Variants in CR1L observed in about 807,000 individuals in gnomAD.
The protein encoded by CR1L is complement C3b/C4b receptor 1 like.
A neutral mutation model predicts 62.3 loss-of-function variants in CR1L; 59 were observed. That is an observed-to-expected ratio of 0.95 (90% CI 0.77 to 1.18). CR1L has a LOEUF of 1.18. Among genes scored for constraint, CR1L ranks in the 50% most tolerant of loss-of-function variants. The probability of loss-of-function intolerance (pLI) is 0.00; values close to 1 mark genes in which losing one functional copy is unlikely to be tolerated. For missense variants in CR1L, 700 were observed against 702.8 expected, an observed-to-expected ratio of 1.00 and a Z score of 0.04; for synonymous variants, 279 against 248.7, an observed-to-expected ratio of 1.12 and a Z score of -1.15.
At chr1:207,650,451 G>A (rs1663205123) in intron 1 of CR1L, among the ~76,000 whole-genome samples, 3 of 152,164 alleles carry the variant, frequency 2.0e-5, no homozygotes, top group Non-Finnish European at 4.4e-5. Context: ...GAGACTGTTA[G>A]GAGGAGTTTA....
At chr1:207,689,965 A>G (rs1381094149) in intron 4 of CR1L, among the ~76,000 whole-genome samples, 3 of 152,052 alleles carry the variant, frequency 2.0e-5, no homozygotes, top group Non-Finnish European at 4.4e-5. Context: ...TCCTATGCTA[A>G]TTAATTTCTG....
chr1:207,653,019 C>T (rs1663253172), intron 1 of CR1L: 1 of 226,330 alleles, frequency 4.4e-6, no homozygotes, highest in South Asian at 6.7e-5. Flanking sequence ...AGAATTTTGA[C>T]CTTGATTCCA....
chr1:207,723,321 A>G (rs1468122159), intron 11 of CR1L, among the ~76,000 whole-genome samples: 2 of 151,520 alleles, frequency 1.3e-5, no homozygotes, highest in Non-Finnish European at 2.9e-5. Context: ...TCCCAGCTAC[A>G]CAGGAGGCTG....
chr1:207,651,291 G>C (rs963024086), intron 1 of CR1L, among the ~76,000 whole-genome samples: 3 of 112,654 alleles, frequency 2.7e-5, no homozygotes, highest in Non-Finnish European at 5.7e-5. Flanking sequence ...TCCATAGGAA[G>C]AAAGTCCTCT....
At chr1:207,669,563 G>A (rs1663577267) in intron 1 of CR1L, 1 of 1,539,612 alleles carries the variant, frequency 6.5e-7, no homozygotes, top group Non-Finnish European at 8.8e-7. Context: ...CCGGTGGCCT[G>A]GGGTGAAACG....
chr1:207,694,426 T>C lies in CR1L; in HGVS notation c.537T>C (p.Tyr179=), dbSNP rs775407608. The change falls in exon 5 of 12, where the codon TAT becomes TAC. Residue 179 remains tyrosine, a synonymous_variant. Transcript: ENST00000508064. ...GCATCAGCAGAGAGTATTTTCACTA[T>C]GGATCAGTGGTGACCTACCACTGCA... ...FTSISREYFH[Y]GSVVTYHCNL... is the part of the protein sequence containing the mutation. 1 of 1,614,036 alleles carries C rather than the reference T, an allele frequency of 6.2e-7. No homozygotes were observed. The highest frequency in any genetic ancestry group is 1.1e-5 in the South Asian group (1 of 91,086).
intron 1 of CR1L, among the ~76,000 whole-genome samples, chr1:207,651,330 A>C (rs1037013955): frequency 4.6e-5 from 7 of 152,194 alleles, no homozygotes. Context: ...AGTGCATTGC[A>C]GGACATGATA....
At chr1:207,669,667 C>G in intron 1 of CR1L, 3 of 718,822 alleles carry the variant, frequency 4.2e-6, no homozygotes, top group Non-Finnish European at 6.5e-6. Flanking sequence ...TCTGCGCGCC[C>G]GGGTCCAAAG....
chr1:207,656,210 C>A (rs1663308564), intron 1 of CR1L, among the ~76,000 whole-genome samples: 1 of 152,130 alleles, frequency 6.6e-6, no homozygotes, highest in African/African-American at 2.4e-5. Context: ...TGCACTCCAG[C>A]CTGGGCGACA....
chr1:207,696,335 C>T (rs1172804965), intron 5 of CR1L, among the ~76,000 whole-genome samples: 1 of 152,236 alleles, frequency 6.6e-6, no homozygotes, highest in Non-Finnish European at 1.5e-5. Context: ...AGAAGTAGAA[C>T]AGACTCTGCC....
chr1:207,657,003 T>C, intron 1 of CR1L: 1 of 537,060 alleles, frequency 1.9e-6, no homozygotes. Flanking sequence ...TTTAAATCCA[T>C]ATTGAATTCA....
chr1:207,717,832 T>A, intron 11 of CR1L, 141 bp downstream of exon 11: 1 of 1,036,180 alleles, frequency 9.7e-7, no homozygotes, highest in Non-Finnish European at 1.4e-6. Flanking sequence ...CCCAAGTGAA[T>A]GACAAATGGG....
chr1:207,665,350 A>T lies in CR1L; in HGVS notation c.98-12039A>T, dbSNP rs189588099. ...ATTACAGGCGTGAGCTGTAGTGACCATTCTTGTACATGCATCCTTACATAC... is the reference window on the plus strand; with the variant it reads ...ATTACAGGCGTGAGCTGTAGTGACCTTTCTTGTACATGCATCCTTACATAC... On this transcript the variant is annotated intron_variant, in intron 1 of 11. Transcript: ENST00000508064. Among the ~76,000 whole-genome samples, 9 of 149,252 alleles carry T rather than the reference A, an allele frequency of 6.0e-5. No homozygotes were observed. In the East Asian group the frequency reaches 1.8e-3, roughly 30 times the overall value.
chr1:207,657,463 A>G (rs2102443349), intron 1 of CR1L: 1 of 510,040 alleles, frequency 2.0e-6, no homozygotes. Context: ...AGGTCAATTC[A>G]AGCCAAAAAA....
At chr1:207,664,539 G>A (rs2102448408) in intron 1 of CR1L, among the ~76,000 whole-genome samples, 1 of 152,228 alleles carries the variant, frequency 6.6e-6, no homozygotes, top group East Asian at 1.9e-4. Context: ...AAACAAGATT[G>A]CATATGAATT....
rs529347873 is a variant in CR1L at position 207,645,399 on chromosome 1, G to A, written c.97+69G>A. 4.5e-4 allele frequency: 699 copies of A among 1,547,004 alleles called. 12 individuals are homozygous for A. In the South Asian group the frequency reaches 7.4e-3, roughly 16 times the overall value. Reference sequence around the variant, plus strand: ...GCTCTGCTCAGTCAGTCGGGCAGGAGGCGCGGGGCGAAGCTCACTGCACGT... The same window carrying A: ...GCTCTGCTCAGTCAGTCGGGCAGGAAGCGCGGGGCGAAGCTCACTGCACGT... On this transcript the variant is annotated intron_variant, in intron 1 of 11. Transcript: ENST00000508064.
intron 9 of CR1L, among the ~76,000 whole-genome samples, chr1:207,706,050 A>T (rs1270205405): frequency 7.7e-6 from 1 of 130,166 alleles, no homozygotes; most frequent in African/African-American, 2.6e-5. Flanking sequence ...TATATAAAAC[A>T]CTGAATATTG....
In CR1L at chr1:207,645,546, C is replaced by A. The variant is rs950403492; in HGVS notation, c.97+216C>A. On this transcript the variant is annotated intron_variant, in intron 1 of 11. Transcript: ENST00000508064. ...GAAGCTTGTTTGGTGGCATCGTGTGCGCGGCCGACATTTACGCAGGATCTG... is the reference window on the plus strand; with the variant it reads ...GAAGCTTGTTTGGTGGCATCGTGTGAGCGGCCGACATTTACGCAGGATCTG... 2.6e-5 allele frequency among the ~76,000 whole-genome samples: 4 copies of A among 152,172 alleles called. No homozygotes were observed. In the East Asian group the frequency reaches 7.7e-4, roughly 29 times the overall value.
chr1:207,649,619 G>A (rs996053702), intron 1 of CR1L, among the ~76,000 whole-genome samples: 1 of 152,164 alleles, frequency 6.6e-6, no homozygotes. Context: ...CAGTTTGGTA[G>A]TGGTTCAGCA....
Sources: allele counts gnomAD v4.1 joint callset (sites outside exome capture counted in the v4.1 genomes callset), GRCh38; gene constraint gnomAD v4.1.1; transcripts MANE v1.5; gene names NCBI Gene and HGNC (gene_info 2026-07-23, HGNC 2026-07-21).